The following RSRC1 variants were observed in gnomAD, a reference collection of about 807,000 sequenced individuals.
The protein encoded by RSRC1 is arginine and serine rich coiled-coil 1.
In RSRC1, 39 loss-of-function variants were observed where a neutral mutation model predicts 49.1. The observed-to-expected ratio is 0.79, with a 90% CI of 0.61 to 1.04. The LOEUF is 1.04. RSRC1 is among the 50% of genes least tolerant of loss of function. The pLI is 0.00. For missense variants in RSRC1, 388 were observed against 402.4 expected (o/e 0.96, Z 0.31); for synonymous variants, 143 against 130.8 (o/e 1.09, Z -0.63).
intron 5 of RSRC1, among the ~76,000 whole-genome samples, chr3:158,315,150 A>G (rs980066895): frequency 6.6e-6 from 1 of 152,216 alleles, no homozygotes; most frequent in Non-Finnish European, 1.5e-5. Context: ...TGTGCTTACA[A>G]CTGTAAACCC....
chr3:158,453,821 T>C (rs1427737767), intron 6 of RSRC1, among the ~76,000 whole-genome samples: 2 of 152,186 alleles, frequency 1.3e-5, no homozygotes, highest in African/African-American at 4.8e-5. Context: ...GTATTTACTT[T>C]TTAAAATTTC....
At chr3:158,532,272 TAC>T (rs1259681760) in intron 7 of RSRC1, among the ~76,000 whole-genome samples, 6 of 151,988 alleles carry the variant, frequency 3.9e-5, no homozygotes, top group Admixed American at 3.9e-4. Flanking sequence ...TGCTGGTTGT[TAC>T]TTGTCATGAT....
intron 5 of RSRC1, among the ~76,000 whole-genome samples, chr3:158,321,603 T>C (rs1728767149): frequency 6.6e-6 from 1 of 151,416 alleles, no homozygotes; most frequent in Admixed American, 6.6e-5. Context: ...ATATGTATTA[T>C]ATATGAGTGA....
chr3:158,516,758 C>T (rs904626214), intron 7 of RSRC1, among the ~76,000 whole-genome samples: 3 of 152,214 alleles, frequency 2.0e-5, no homozygotes, highest in Non-Finnish European at 4.4e-5. Flanking sequence ...ACTCCGTGGG[C>T]GTAGGGCCCT....
At chr3:158,115,676 C>CT (rs972358964) in intron 1 of RSRC1, among the ~76,000 whole-genome samples, 30 of 151,996 alleles carry the variant, frequency 2.0e-4, no homozygotes, top group African/African-American at 7.0e-4. Context: ...GCCTATTTTC[C>CT]TTTTTTGCAA....
At chr3:158,223,766 G>C (rs758924353) in intron 4 of RSRC1, among the ~76,000 whole-genome samples, 79 of 151,610 alleles carry the variant, frequency 5.2e-4, no homozygotes, top group Non-Finnish European at 9.6e-4. Flanking sequence ...ATGCACTCCA[G>C]TTTATCTCAC....
At chr3:158,396,303 A>T (rs570214770) in intron 6 of RSRC1, among the ~76,000 whole-genome samples, 1 of 152,008 alleles carries the variant, frequency 6.6e-6, no homozygotes, top group African/African-American at 2.4e-5. Context: ...CAATTTACCT[A>T]TATAGCAAAT....
At chr3:158,454,733 G>A (rs765803335) in intron 6 of RSRC1, among the ~76,000 whole-genome samples, 3 of 151,980 alleles carry the variant, frequency 2.0e-5, no homozygotes, top group Non-Finnish European at 4.4e-5. Flanking sequence ...TATCTCTTTC[G>A]TAAGATTGGT....
chr3:158,160,690 A>T (rs1718164139), intron 3 of RSRC1, among the ~76,000 whole-genome samples: 1 of 152,170 alleles, frequency 6.6e-6, no homozygotes, highest in South Asian at 2.1e-4. Flanking sequence ...GGGATTACTT[A>T]TTTGCATGTA....
At chr3:158,260,193 C>T (rs1349557743) in intron 4 of RSRC1, among the ~76,000 whole-genome samples, 5 of 152,076 alleles carry the variant, frequency 3.3e-5, no homozygotes, top group South Asian at 2.1e-4. Flanking sequence ...GGGGTTACAC[C>T]GCAAGCCAGC....
intron 6 of RSRC1, among the ~76,000 whole-genome samples, chr3:158,410,383 C>G (rs191472819): frequency 5.3e-5 from 8 of 152,166 alleles, no homozygotes; most frequent in African/African-American, 1.9e-4. Context: ...AACTTTATAT[C>G]TCAGTGAAAC....
intron 6 of RSRC1, among the ~76,000 whole-genome samples, chr3:158,441,991 A>G (rs981326711): frequency 2.0e-5 from 3 of 152,164 alleles, no homozygotes; most frequent in Non-Finnish European, 4.4e-5. Flanking sequence ...CAGTGCATAT[A>G]AAAGTTATGT....
chr3:158,478,278 G>A (rs1738469920), intron 7 of RSRC1, among the ~76,000 whole-genome samples: 1 of 150,964 alleles, frequency 6.6e-6, no homozygotes, highest in Non-Finnish European at 1.5e-5. Context: ...AAAGGATGTT[G>A]GACTTTTTGA....
intron 6 of RSRC1, among the ~76,000 whole-genome samples, chr3:158,418,813 T>G (rs1319404424): frequency 2.0e-5 from 3 of 152,018 alleles, no homozygotes; most frequent in Non-Finnish European, 4.4e-5. Flanking sequence ...TTCTTGGTAG[T>G]GTTGCTGTCA....
intron 6 of RSRC1, among the ~76,000 whole-genome samples, chr3:158,361,813 T>C (rs1469910328): frequency 6.6e-6 from 1 of 152,122 alleles, no homozygotes. Context: ...ATGCCTTCTT[T>C]CTTCCTTTTC....
intron 7 of RSRC1, among the ~76,000 whole-genome samples, chr3:158,487,689 C>G (rs944290547): frequency 6.6e-6 from 1 of 152,022 alleles, no homozygotes; most frequent in Non-Finnish European, 1.5e-5. Flanking sequence ...GTGGCTCATA[C>G]CTGTCATCCC....
At chr3:158,330,250 C>G (rs1011581547) in intron 5 of RSRC1, among the ~76,000 whole-genome samples, 1 of 152,240 alleles carries the variant, frequency 6.6e-6, no homozygotes, top group Non-Finnish European at 1.5e-5. Flanking sequence ...CCTGCCCCCA[C>G]TGTCTGACGA....
At chr3:158,476,648 G>A (rs1192042438) in intron 7 of RSRC1, among the ~76,000 whole-genome samples, 1 of 152,068 alleles carries the variant, frequency 6.6e-6, no homozygotes, top group Non-Finnish European at 1.5e-5. Flanking sequence ...CACTGTTGAG[G>A]CATACTGCTC....
At position 158,312,698 on chromosome 3, in the gene RSRC1, G is replaced by A. The variant is rs1728199886; in HGVS notation, c.531+14623G>A. ...ACCTTAGAAATATCTTATCTTGAGT[G>A]TCAGCCTTGGTTCTCATCCCTAATC... On this transcript the variant is annotated intron_variant, in intron 5 of 9. Coordinates refer to ENST00000611884, the MANE Select transcript of RSRC1 (RefSeq NM_001271838.2). Among the ~76,000 whole-genome samples the A allele has an allele frequency of 2.6e-5, 4 of 152,270 alleles. No individual in the cohort carries two copies. The South Asian group carries it at 6.2e-4, about 24-fold the overall frequency.
Sources: gnomAD v4.1 joint callset for allele counts (sites outside exome capture counted in the v4.1 genomes callset) on GRCh38, gnomAD v4.1.1 for gene constraint, MANE v1.5 for transcripts, NCBI Gene and HGNC (gene_info 2026-07-23, HGNC 2026-07-21) for gene names.